The following GRIK1 variants were observed in gnomAD, a reference collection of about 807,000 sequenced individuals.
The protein encoded by GRIK1 is glutamate ionotropic receptor kainate type subunit 1.
GRIK1 carries 69 observed loss-of-function variants against 105.7 expected under a neutral mutation model. The ratio of observed to expected loss-of-function variants is 0.65; its 90% confidence interval spans 0.54 to 0.80. The LOEUF is 0.80. Ranked by LOEUF, GRIK1 falls within the 30% of genes least tolerant of loss-of-function variation. GRIK1 has a pLI of 0.00. For missense variants in GRIK1, 1,109 were observed against 1,167.3 expected (o/e 0.95, Z 0.73); for synonymous variants, 438 against 431.3 (o/e 1.02, Z -0.19).
At chr21:29,656,133 C>T (rs900469815) in intron 4 of GRIK1, among the ~76,000 whole-genome samples, 4 of 151,338 alleles carry the variant, frequency 2.6e-5, no homozygotes, top group Admixed American at 2.0e-4. Flanking sequence ...GAGGATGAGG[C>T]GGGCGGATCA....
At chr21:29,731,555 G>A (rs181208820) in intron 1 of GRIK1, among the ~76,000 whole-genome samples, 263 of 152,160 alleles carry the variant, frequency 1.7e-3, no homozygotes, top group Non-Finnish European at 3.0e-3. Flanking sequence ...AGCTGATCTG[G>A]GCACAACAGT....
At chr21:29,682,636 A>G (rs917809930) in intron 3 of GRIK1, among the ~76,000 whole-genome samples, 4 of 152,238 alleles carry the variant, frequency 2.6e-5, no homozygotes, top group African/African-American at 9.6e-5. Flanking sequence ...TTAACTCAAG[A>G]TGAATTAAAG....
intron 15 of GRIK1, among the ~76,000 whole-genome samples, chr21:29,560,350 T>TCTTTCTTTCTTTTC (rs2090385151): frequency 9.4e-6 from 1 of 105,856 alleles, no homozygotes; most frequent in Non-Finnish European, 1.9e-5. Context: ...TTTCTTTCTT[T>TCTTTCTTTCTTTTC]CTTTCTTTTT....
Position 29,574,913 on chromosome 21 carries a change from C to T in GRIK1, c.2130+2051G>A, listed in dbSNP as rs1367729401. On this transcript the variant is annotated intron_variant, in intron 14 of 17. Coordinates refer to ENST00000327783, the MANE Select transcript of GRIK1 (RefSeq NM_001330994.2). ...GTTTCACCGTGTTAGCCAGGATGGT[C>T]TCGATCTCCTGACCTCGTGATCCGC... Among the ~76,000 whole-genome samples the T allele has an allele frequency of 3.3e-5, 5 of 151,798 alleles. No homozygotes were observed. The South Asian group carries it at 1.0e-3, about 32-fold the overall frequency.
chr21:29,847,452 G>A (rs1157009200), intron 1 of GRIK1, among the ~76,000 whole-genome samples: 1 of 152,120 alleles, frequency 6.6e-6, no homozygotes, highest in Non-Finnish European at 1.5e-5. Context: ...AAAATTAGCT[G>A]GGCGTGGTAG....
intron 1 of GRIK1, among the ~76,000 whole-genome samples, chr21:29,701,854 C>G (rs996355121): frequency 1.3e-5 from 2 of 152,088 alleles, no homozygotes; most frequent in African/African-American, 4.8e-5. Flanking sequence ...TGAAGGACTT[C>G]GGCAGGATTT....
At chr21:29,760,615 G>C (rs2065486279) in intron 1 of GRIK1, 1 of 152,338 alleles carries the variant, frequency 6.6e-6, no homozygotes, top group Non-Finnish European at 1.5e-5. Context: ...GGTATGCGAA[G>C]ATGCCTCGGA....
At chr21:29,571,488 A>C (rs2090748830) in intron 14 of GRIK1, among the ~76,000 whole-genome samples, 1 of 152,220 alleles carries the variant, frequency 6.6e-6, no homozygotes, top group Non-Finnish European at 1.5e-5. Context: ...AACCAAATAC[A>C]TCAGATCTAA....
At chr21:29,769,848 A>G (rs2065770037) in intron 1 of GRIK1, among the ~76,000 whole-genome samples, 1 of 152,060 alleles carries the variant, frequency 6.6e-6, no homozygotes, top group Non-Finnish European at 1.5e-5. Context: ...AGCCTTCAAA[A>G]CTGCAGGATA....
At chr21:29,553,027 C>T (rs544306557) in intron 16 of GRIK1, among the ~76,000 whole-genome samples, 19 of 151,936 alleles carry the variant, frequency 1.3e-4, no homozygotes, top group African/African-American at 4.6e-4. Context: ...CATTTTAAAT[C>T]GTGGAATCAG....
At chr21:29,684,252 C>A (rs796501317) in intron 3 of GRIK1, among the ~76,000 whole-genome samples, 11 of 149,388 alleles carry the variant, frequency 7.4e-5, no homozygotes, top group East Asian at 2.0e-4. Flanking sequence ...AATCTATCAT[C>A]TCTATCTATC....
chr21:29,633,228 C>A (rs1049884444), intron 7 of GRIK1, among the ~76,000 whole-genome samples: 3 of 150,354 alleles, frequency 2.0e-5, no homozygotes, highest in Non-Finnish European at 4.4e-5. Flanking sequence ...TCTGGCTGGG[C>A]ACGTGGCTTA....
chr21:29,682,097 A>C (rs947810289), intron 3 of GRIK1, among the ~76,000 whole-genome samples: 1 of 152,206 alleles, frequency 6.6e-6, no homozygotes, highest in Non-Finnish European at 1.5e-5. Context: ...AGAGAAATGC[A>C]ATTCATCTCT....
chr21:29,936,908 C>G (rs1379212701), intron 1 of GRIK1, among the ~76,000 whole-genome samples: 2 of 152,100 alleles, frequency 1.3e-5, no homozygotes, highest in African/African-American at 4.8e-5. Context: ...TTTTGCTATA[C>G]TTTACTTTGA....
At chr21:29,615,901 A>T (rs2061839459) in intron 7 of GRIK1, among the ~76,000 whole-genome samples, 1 of 152,174 alleles carries the variant, frequency 6.6e-6, no homozygotes, top group South Asian at 2.1e-4. Flanking sequence ...GACTCTGGGA[A>T]AATCAGTTTA....
At chr21:29,559,501 G>C (rs2090340667) in intron 15 of GRIK1, among the ~76,000 whole-genome samples, 1 of 152,144 alleles carries the variant, frequency 6.6e-6, no homozygotes. Context: ...GAAGTTATTG[G>C]AAATAAAGAA....
chr21:29,545,718 C>T (rs1023460870), intron 16 of GRIK1, among the ~76,000 whole-genome samples: 2 of 151,972 alleles, frequency 1.3e-5, no homozygotes, highest in South Asian at 2.1e-4. Context: ...CCACAGTGCA[C>T]GTATGCACTA....
chr21:29,913,474 C>A (rs1337951080), intron 1 of GRIK1, among the ~76,000 whole-genome samples: 2 of 151,870 alleles, frequency 1.3e-5, no homozygotes, highest in African/African-American at 4.8e-5. Flanking sequence ...TATGCTGTTT[C>A]CAGATCTAGT....
chr21:29,779,131 T>C (rs1186667953), intron 1 of GRIK1, among the ~76,000 whole-genome samples: 1 of 152,208 alleles, frequency 6.6e-6, no homozygotes, highest in Non-Finnish European at 1.5e-5. Flanking sequence ...AACAGAAATG[T>C]TCTGTTTTTC....
Sources: allele counts gnomAD v4.1 joint callset (sites outside exome capture counted in the v4.1 genomes callset), GRCh38; gene constraint gnomAD v4.1.1; transcripts MANE v1.5; gene names NCBI Gene and HGNC (gene_info 2026-07-23, HGNC 2026-07-21).